The following RABGAP1L variants were observed in gnomAD, a reference collection of about 807,000 sequenced individuals.
RABGAP1L encodes the protein RAB GTPase activating protein 1 like.
In RABGAP1L, 63 loss-of-function variants were observed where a neutral mutation model predicts 137.7. That is an observed-to-expected ratio of 0.46 (90% CI 0.37 to 0.56). The LOEUF is 0.56. RABGAP1L is among the 20% of genes least tolerant of loss of function. RABGAP1L has a pLI of 0.00. For synonymous variants in RABGAP1L, 431 were observed against 433.7 expected (o/e 0.99, Z 0.08); for missense variants, 1,095 against 1,244.0 (o/e 0.88, Z 1.80).
At chr1:174,253,220 CAT>C (rs1434198083) in intron 7 of RABGAP1L, among the ~76,000 whole-genome samples, 4 of 152,044 alleles carry the variant, frequency 2.6e-5, no homozygotes, top group Non-Finnish European at 5.9e-5. Context: ...GGCTAAGAAA[CAT>C]ATGTAAAGAG....
intron 20 of RABGAP1L, 59 bp from the exon 21 acceptor site, chr1:174,969,218 C>T: frequency 7.8e-7 from 1 of 1,288,344 alleles, no homozygotes; most frequent in Non-Finnish European, 1.1e-6. Context: ...CTCACCAGTT[C>T]TGTTCGTTTC....
chr1:174,987,392 C>A (rs1671685750), intron 24 of RABGAP1L, among the ~76,000 whole-genome samples: 1 of 152,160 alleles, frequency 6.6e-6, no homozygotes, highest in African/African-American at 2.4e-5. Flanking sequence ...GTCTCGCTCT[C>A]TTGACCTCGT....
At chr1:174,321,537 G>A (rs1350115744) in intron 11 of RABGAP1L, among the ~76,000 whole-genome samples, 1 of 152,078 alleles carries the variant, frequency 6.6e-6, no homozygotes, top group Admixed American at 6.6e-5. Flanking sequence ...TCTCAGACCG[G>A]CCAACACGTA....
At chr1:174,405,079 C>G (rs1260418289) in intron 13 of RABGAP1L, among the ~76,000 whole-genome samples, 1 of 152,028 alleles carries the variant, frequency 6.6e-6, no homozygotes, top group Non-Finnish European at 1.5e-5. Flanking sequence ...AATTTTTACT[C>G]TGGGTTGGTG....
At chr1:174,830,629 A>G (rs1161635130) in intron 19 of RABGAP1L, among the ~76,000 whole-genome samples, 1 of 147,090 alleles carries the variant, frequency 6.8e-6, no homozygotes, top group Non-Finnish European at 1.5e-5. Context: ...GGCATGTGCC[A>G]CCATGCCTGG....
chr1:174,274,606 C>CTGTGTG (rs61468070), intron 8 of RABGAP1L, among the ~76,000 whole-genome samples: 16,122 of 146,072 alleles, frequency 0.11, 994 homozygotes, highest in South Asian at 0.16. Context: ...ACAGGTGACT[C>CTGTGTG]TGTGTGTGTG....
Position 174,448,216 on chromosome 1 carries a change from T to C in RABGAP1L, c.1710+54071T>C. On this transcript the variant is annotated intron_variant, in intron 13 of 25. Transcript: ENST00000681986. This position sits in a 1 kb window ranked among gnomAD's most constrained non-coding sequence, Gnocchi z 4.2. ...GCCCACTTGGATTTGGCCACTACAG[T>C]GTGGTGGATGTCTGCATCTTCGAGA... The C allele has an allele frequency of 1.2e-6, 2 of 1,613,920 alleles. No homozygotes were observed. Among genetic ancestry groups the C allele is most frequent in the East Asian group, 4.5e-5 (2 of 44,854 alleles).
intron 14 of RABGAP1L, among the ~76,000 whole-genome samples, chr1:174,652,468 C>A (rs545199303): frequency 6.6e-6 from 1 of 152,234 alleles, no homozygotes; most frequent in South Asian, 2.1e-4. Flanking sequence ...ATGTTGGTAA[C>A]CTTTGGATGG....
intron 13 of RABGAP1L, among the ~76,000 whole-genome samples, chr1:174,494,184 G>A (rs1660539761): frequency 6.6e-6 from 1 of 152,142 alleles, no homozygotes; most frequent in Non-Finnish European, 1.5e-5. Context: ...ATGGGTTTAT[G>A]TCTGTTGATG....
At chr1:174,228,435 C>T (rs1670368042) in intron 3 of RABGAP1L, among the ~76,000 whole-genome samples, 1 of 152,038 alleles carries the variant, frequency 6.6e-6, no homozygotes, top group South Asian at 2.1e-4. Context: ...CACCCAGGCT[C>T]ATCAGTCTTA....
intron 16 of RABGAP1L, 88 bp downstream of exon 16, chr1:174,699,738 T>A: frequency 1.5e-6 from 2 of 1,290,436 alleles, no homozygotes; most frequent in Non-Finnish European, 2.1e-6. Flanking sequence ...TAATGAATTA[T>A]AGAAGTTTAA....
At chr1:174,640,775 C>T (rs1218264184) in intron 14 of RABGAP1L, among the ~76,000 whole-genome samples, 1 of 151,834 alleles carries the variant, frequency 6.6e-6, no homozygotes, top group African/African-American at 2.4e-5. Flanking sequence ...GCACTGACCA[C>T]ACCTTTAGTA....
intron 10 of RABGAP1L, among the ~76,000 whole-genome samples, chr1:174,291,393 A>G (rs1486136353): frequency 6.6e-6 from 1 of 151,610 alleles, no homozygotes; most frequent in African/African-American, 2.4e-5. Context: ...TTTTATGTCT[A>G]TTTTTATGAG....
At chr1:174,505,482 AC>A (rs1307804067) in intron 13 of RABGAP1L, among the ~76,000 whole-genome samples, 3 of 145,384 alleles carry the variant, frequency 2.1e-5, no homozygotes, top group Non-Finnish European at 3.0e-5. Context: ...TTTTTTTTGT[AC>A]AAAATGTGTT....
intron 1 of RABGAP1L, among the ~76,000 whole-genome samples, chr1:174,196,866 C>T (rs1667729576): frequency 6.6e-6 from 1 of 152,034 alleles, no homozygotes; most frequent in Non-Finnish European, 1.5e-5. Context: ...TGGACATCAA[C>T]TTTGTCTTCT....
At chr1:174,269,815 C>G (rs1222704618) in intron 7 of RABGAP1L, among the ~76,000 whole-genome samples, 1 of 152,140 alleles carries the variant, frequency 6.6e-6, no homozygotes, top group Non-Finnish European at 1.5e-5. Flanking sequence ...TTCCCCCCCA[C>G]TATACTGTAA....
chr1:174,446,387 C>G (rs1450615264), intron 13 of RABGAP1L, among the ~76,000 whole-genome samples: 2 of 152,204 alleles, frequency 1.3e-5, no homozygotes, highest in Non-Finnish European at 2.9e-5. Context: ...AAATAACTTT[C>G]AGAAGAATGC....
chr1:174,577,302 TTA>T (rs1668450843), intron 13 of RABGAP1L, among the ~76,000 whole-genome samples: 1 of 149,202 alleles, frequency 6.7e-6, no homozygotes, highest in African/African-American at 2.5e-5. Context: ...ATGGAAGAAT[TTA>T]GTCAATATAA....
intron 8 of RABGAP1L, 60 bp from the exon 9 acceptor site, chr1:174,275,773 A>G: frequency 7.9e-7 from 1 of 1,273,180 alleles, no homozygotes; most frequent in South Asian, 1.4e-5. Context: ...GTAAGATGTA[A>G]TTTAAAGTAG....
Sources: allele counts gnomAD v4.1 joint callset (sites outside exome capture counted in the v4.1 genomes callset), GRCh38; gene constraint gnomAD v4.1.1; non-coding constraint Gnocchi (gnomAD v3.1); transcripts MANE v1.5; gene names NCBI Gene and HGNC (gene_info 2026-07-23, HGNC 2026-07-21).